Variants in FMN1 observed in about 807,000 individuals in gnomAD.
FMN1 encodes the protein formin-1.
A neutral mutation model predicts 132.4 loss-of-function variants in FMN1; 110 were observed. That is an observed-to-expected ratio of 0.83 (90% CI 0.71 to 0.97). The LOEUF (loss-of-function observed/expected upper bound fraction) is 0.97. Ranked by LOEUF, FMN1 falls within the 50% of genes least tolerant of loss-of-function variation. FMN1 has a pLI of 0.00. For missense variants in FMN1, 1,792 were observed against 1,705.3 expected (o/e 1.05, Z -0.90); for synonymous variants, 722 against 651.7 (o/e 1.11, Z -1.64).
intron 3 of FMN1, among the ~76,000 whole-genome samples, chr15:33,170,748 C>G (rs1595596088): frequency 6.6e-6 from 1 of 151,988 alleles, no homozygotes; most frequent in Admixed American, 6.5e-5. Context: ...ACAGATGCTA[C>G]TGAGAATGCA....
chr15:32,791,956 G>A (rs1450308487), intron 19 of FMN1, among the ~76,000 whole-genome samples: 2 of 152,050 alleles, frequency 1.3e-5, no homozygotes, highest in African/African-American at 2.4e-5. Context: ...GAGGTGATAG[G>A]TGAAGCTGTG....
chr15:33,095,741 A>G (rs938700947), intron 4 of FMN1, among the ~76,000 whole-genome samples: 3 of 152,174 alleles, frequency 2.0e-5, no homozygotes, highest in Admixed American at 6.5e-5. Flanking sequence ...GTAAATTTGA[A>G]TAACATTTTC....
Position 32,768,720 on chromosome 15 carries a change from C to T in FMN1, c.*5590G>A, listed in dbSNP as rs2056129357. 1 of 152,146 alleles carries T rather than the reference C, an allele frequency of 6.6e-6. No homozygotes were observed. The highest frequency in any genetic ancestry group is 6.5e-5 in the Admixed American group (1 of 15,272). The allele number at this position is 152,146 out of a possible 1,614,324, so 9.4% of individuals were successfully genotyped here. ...ACACAAAGCTTGGAAAAATAGCCCA[C>T]AAGTGTAGTTGGATCAGCCTTTAGA... On this transcript the variant is annotated 3_prime_UTR_variant, in exon 21 of 21. Coordinates refer to ENST00000616417, the MANE Select transcript of FMN1 (RefSeq NM_001277313.2).
rs967259421 is a variant in FMN1 at position 32,767,230 on chromosome 15, C to T, written c.*7080G>A. The T allele has an allele frequency of 1.3e-5, 2 of 152,152 alleles. No individual in the cohort carries two copies. The highest frequency in any genetic ancestry group is 1.9e-4 in the East Asian group (1 of 5,200). 9.4% of individuals were successfully genotyped at this position (152,152 alleles called of 1,614,324 possible). On this transcript the variant is annotated 3_prime_UTR_variant, in exon 21 of 21. Coordinates refer to ENST00000616417, the MANE Select transcript of FMN1 (RefSeq NM_001277313.2). The stretch of plus-strand genomic sequence containing the variant: ...CTCCATGCGTCCTTTTTTTCTTGCT[C>T]ATCCCATTGCTTGCAAACTCACAAG...
chr15:32,873,001 G>C (rs997830645), intron 16 of FMN1, among the ~76,000 whole-genome samples: 2 of 152,188 alleles, frequency 1.3e-5, no homozygotes, highest in Admixed American at 1.3e-4. Context: ...ATGAATTCTG[G>C]TATCTAGTCT....
intron 5 of FMN1, among the ~76,000 whole-genome samples, chr15:33,074,822 C>T (rs2038137418): frequency 6.6e-6 from 1 of 151,722 alleles, no homozygotes; most frequent in Non-Finnish European, 1.5e-5. Flanking sequence ...TCAAGACCAG[C>T]CTGGTCAAGA....
At chr15:32,822,515 A>AT (rs149831319) in intron 17 of FMN1, among the ~76,000 whole-genome samples, 3,013 of 150,634 alleles carry the variant, frequency 0.02, 42 homozygotes, top group East Asian at 0.087. Context: ...TTATTACTCC[A>AT]TTTTTTTTTC....
At chr15:33,029,607 C>G (rs775777169) in intron 6 of FMN1, among the ~76,000 whole-genome samples, 9 of 152,024 alleles carry the variant, frequency 5.9e-5, no homozygotes, top group Non-Finnish European at 1.2e-4. Context: ...ACGTTTGGAT[C>G]TCTCAAGACT....
intron 9 of FMN1, among the ~76,000 whole-genome samples, chr15:32,955,778 T>A (rs768801726): frequency 6.6e-6 from 1 of 151,982 alleles, no homozygotes; most frequent in Non-Finnish European, 1.5e-5. Flanking sequence ...TCTCTTCCGA[T>A]ATGGAAGATT....
At chr15:32,821,251 C>T (rs560264490) in intron 17 of FMN1, among the ~76,000 whole-genome samples, 16 of 151,680 alleles carry the variant, frequency 1.1e-4, no homozygotes, top group African/African-American at 1.7e-4. Context: ...TTGGTCCATT[C>T]GTGTTTATTT....
rs148609042 is a variant in FMN1, at chr15:33,041,897, G to A, written c.2161+23060C>T. 1.3e-3 allele frequency among the ~76,000 whole-genome samples: 194 copies of A among 147,916 alleles called. 6 individuals are homozygous for A. The East Asian group carries it at 0.033, about 25-fold the overall frequency. ...GAACTATGCAATTAAAAATGGGAAA[G>A]ATAGTAAATTTCACAGTGTTTTTTT... On this transcript the variant is annotated intron_variant, in intron 6 of 20. Transcript: ENST00000616417.
At chr15:32,965,292 T>C (rs920320177) in intron 8 of FMN1, among the ~76,000 whole-genome samples, 19 of 151,696 alleles carry the variant, frequency 1.3e-4, no homozygotes. Context: ...CCTAGCTACT[T>C]GGGAGGCTGA....
intron 6 of FMN1, among the ~76,000 whole-genome samples, chr15:33,029,763 G>A (rs923512795): frequency 2.6e-5 from 4 of 152,162 alleles, no homozygotes; most frequent in African/African-American, 4.8e-5. Context: ...AAGATGTCTG[G>A]AGTTAAGCCC....
chr15:32,878,376 C>A (rs1396326088), intron 16 of FMN1, among the ~76,000 whole-genome samples: 2 of 152,126 alleles, frequency 1.3e-5, no homozygotes, highest in Non-Finnish European at 2.9e-5. Flanking sequence ...GTGCTGTGAC[C>A]TATGCGGCAG....
intron 8 of FMN1, among the ~76,000 whole-genome samples, chr15:32,966,311 G>A (rs961614981): frequency 6.6e-6 from 1 of 152,074 alleles, no homozygotes; most frequent in Non-Finnish European, 1.5e-5. Flanking sequence ...CTATTTCTAT[G>A]GGAAAGGTAT....
intron 12 of FMN1, among the ~76,000 whole-genome samples, chr15:32,902,244 ATGATG>A (rs2060315989): frequency 2.0e-5 from 3 of 152,238 alleles, no homozygotes; most frequent in Non-Finnish European, 4.4e-5. Flanking sequence ...GAGTTCTAGC[ATGATG>A]AATAAATGCA....
intron 4 of FMN1, among the ~76,000 whole-genome samples, chr15:33,115,324 TAAC>T (rs749257049): frequency 6.6e-6 from 1 of 152,148 alleles, no homozygotes; most frequent in Non-Finnish European, 1.5e-5. Context: ...GAATAAAATC[TAAC>T]GAGTCAAATC....
intron 5 of FMN1, chr15:33,067,453 G>A (rs751528329): frequency 7.4e-6 from 12 of 1,613,964 alleles, no homozygotes; most frequent in Non-Finnish European, 1.0e-5. Context: ...AATCACTGGT[G>A]GTGTGCACCA....
intron 6 of FMN1, among the ~76,000 whole-genome samples, chr15:33,017,087 C>T (rs1170268018): frequency 1.3e-5 from 2 of 151,824 alleles, no homozygotes; most frequent in Non-Finnish European, 2.9e-5. Context: ...TGGGGTTCAC[C>T]CTGCCTCTTC....
Sources: gnomAD v4.1 joint callset for allele counts (sites outside exome capture counted in the v4.1 genomes callset) on GRCh38, gnomAD v4.1.1 for gene constraint, MANE v1.5 for transcripts, NCBI Gene and HGNC (gene_info 2026-07-23, HGNC 2026-07-21) for gene names.